Variants in AGO2 observed in about 807,000 individuals in gnomAD.
AGO2 encodes the protein argonaute RISC catalytic component 2.
A neutral mutation model predicts 102.3 loss-of-function variants in AGO2; 5 were observed. That is an observed-to-expected ratio of 0.05 (90% CI 0.03 to 0.10). The LOEUF is 0.10. AGO2 is among the 10% of genes least tolerant of loss of function. AGO2 has a pLI of 1.00. For missense variants in AGO2, 541 were observed against 1,183.7 expected, an observed-to-expected ratio of 0.46 and a Z score of 7.97; for synonymous variants, 449 against 473.1, an observed-to-expected ratio of 0.95 and a Z score of 0.66.
At chr8:140,635,075 C>A (rs935661385) in intron 1 of AGO2, among the ~76,000 whole-genome samples, 2 of 148,282 alleles carry the variant, frequency 1.3e-5, no homozygotes, top group African/African-American at 4.9e-5. Context: ...CATCCCCGCC[C>A]GGGCAGCGAG....
intron 3 of AGO2, among the ~76,000 whole-genome samples, chr8:140,562,992 G>A (rs964119774): frequency 2.0e-5 from 3 of 151,936 alleles, no homozygotes; most frequent in Non-Finnish European, 4.4e-5. Context: ...TGCACCTAAC[G>A]CCAGATCATG....
upstream of AGO2, chr8:140,638,369 T>C (rs937330982): frequency 2.0e-5 from 3 of 152,266 alleles, no homozygotes; most frequent in East Asian, 5.8e-4. Flanking sequence ...AAGTTTATTG[T>C]CTGCAGGCCT....
chr8:140,596,132 G>C (rs2073840480), intron 1 of AGO2, among the ~76,000 whole-genome samples: 1 of 150,444 alleles, frequency 6.6e-6, no homozygotes, highest in Non-Finnish European at 1.5e-5. Context: ...TACAGCGTGA[G>C]CCACTGCACA....
At chr8:140,564,615 T>TA (rs2073251099) in intron 3 of AGO2, among the ~76,000 whole-genome samples, 1 of 152,196 alleles carries the variant, frequency 6.6e-6, no homozygotes, top group Non-Finnish European at 1.5e-5. Context: ...TATGATTTCT[T>TA]AAATAACTTT....
At position 140,557,361 on chromosome 8, in the gene AGO2, G is replaced by C; in HGVS notation, c.879-125C>G. 1.7e-6 allele frequency: 2 copies of C among 1,195,562 alleles called. No homozygotes were observed. Among genetic ancestry groups the C allele is most frequent in the Non-Finnish European group, 2.3e-6 (2 of 869,348 alleles). 74.1% of individuals were successfully genotyped at this position (1,195,562 alleles called of 1,614,324 possible). ...GCAAACATTCAGAGCACTTCCGGGA[G>C]TGAAAACCATGTCATGTGCTTTGGG... On this transcript the variant is annotated intron_variant, in intron 7 of 18. Coordinates refer to ENST00000220592, the MANE Select transcript of AGO2 (RefSeq NM_012154.5). This position sits in a 1 kb window ranked among gnomAD's most constrained non-coding sequence, Gnocchi z 5.9.
At chr8:140,555,466 C>G (rs1418533987) in intron 10 of AGO2, 1 of 165,618 alleles carries the variant, frequency 6.0e-6, no homozygotes, top group East Asian at 1.8e-4. Flanking sequence ...TGCCTTCTAG[C>G]TCGGGTGACA....
chr8:140,571,474 G>A (rs2073376916), intron 3 of AGO2, among the ~76,000 whole-genome samples: 1 of 152,194 alleles, frequency 6.6e-6, no homozygotes, highest in African/African-American at 2.4e-5. Flanking sequence ...TTCCAGCCTG[G>A]GCGACAGAGC....
At chr8:140,599,244 G>A (rs535193604) in intron 1 of AGO2, among the ~76,000 whole-genome samples, 1 of 152,188 alleles carries the variant, frequency 6.6e-6, no homozygotes, top group South Asian at 2.1e-4. Flanking sequence ...CTGAGCGTCC[G>A]TTATGTGGTG....
chr8:140,533,262 A>G (rs1467559143), intron 17 of AGO2, among the ~76,000 whole-genome samples: 34 of 149,326 alleles, frequency 2.3e-4, no homozygotes, highest in African/African-American at 6.6e-4. Context: ...GGTGGCGGGC[A>G]TCTGTAGTCC....
At chr8:140,551,658 G>GGTGGGTGGATGGTTGATGT in intron 10 of AGO2, among the ~76,000 whole-genome samples, 1 of 151,902 alleles carries the variant, frequency 6.6e-6, no homozygotes, top group East Asian at 1.9e-4. Flanking sequence ...ATGGTTGATG[G>GGTGGGTGGATGGTTGATGT]GTGGGTGGAT....
At chr8:140,622,304 C>G (rs1214869408) in intron 1 of AGO2, among the ~76,000 whole-genome samples, 9 of 139,340 alleles carry the variant, frequency 6.5e-5, no homozygotes, top group African/African-American at 2.5e-4. Context: ...GGGGTCTCCT[C>G]TTGGGGGAAT....
intron 1 of AGO2, among the ~76,000 whole-genome samples, chr8:140,603,455 C>T (rs1044026419): frequency 2.0e-5 from 3 of 152,228 alleles, no homozygotes; most frequent in African/African-American, 7.2e-5. Context: ...TGTTGTGTAA[C>T]CAACACAACC....
intron 16 of AGO2, among the ~76,000 whole-genome samples, chr8:140,535,877 G>T (rs1382771132): frequency 6.6e-6 from 1 of 152,170 alleles, no homozygotes; most frequent in Non-Finnish European, 1.5e-5. Context: ...CGATACTGTT[G>T]GTGCTATTTT....
rs73360482 is a variant in AGO2 at position 140,550,352 on chromosome 8, A to G, written c.1403+951T>C. On this transcript the variant is annotated intron_variant, in intron 11 of 18. Coordinates refer to ENST00000220592, the MANE Select transcript of AGO2 (RefSeq NM_012154.5). ...AGCAAAGACTTTATGTTCCCTTTGA[A>G]GTCTGGCACAAAGGCACGAGCCACC... Among the ~76,000 whole-genome samples the G allele has an allele frequency of 5.5e-3, 840 of 152,286 alleles. 11 individuals are homozygous for G. Among genetic ancestry groups the G allele is most frequent in the African/African-American group, 0.019 (799 of 41,562 alleles).
At chr8:140,596,939 T>G (rs2073854368) in intron 1 of AGO2, among the ~76,000 whole-genome samples, 1 of 152,198 alleles carries the variant, frequency 6.6e-6, no homozygotes, top group African/African-American at 2.4e-5. Flanking sequence ...CAGGGGGACC[T>G]GCCTGAGGGT....
chr8:140,585,216 A>G lies in AGO2; in HGVS notation c.118T>C (p.Leu40=). Residue 40 remains leucine (L), a synonymous_variant, in exon 2 of 19, where the codon TTA becomes CTA. Transcript: ENST00000220592. ...TCCATTTCGAAGAAATTGGCCTGTA[A>G]TTTGATTGTTCTCCCGGAGGTCCCA... is the stretch of plus-strand genomic sequence containing the variant. The part of the protein sequence containing the change: ...DFGTSGRTIK[L]QANFFEMDIP... 1 of 1,614,154 alleles carries G rather than the reference A, an allele frequency of 6.2e-7. No homozygotes were observed. The highest frequency in any genetic ancestry group is 1.1e-5 in the South Asian group (1 of 91,082).
chr8:140,551,464 G>A, intron 10 of AGO2, 28 bp from the exon 11 acceptor site: 1 of 1,487,748 alleles, frequency 6.7e-7, no homozygotes, highest in Admixed American at 2.2e-5. Flanking sequence ...TTCAGGGTGA[G>A]AAAAAAATGG....
chr8:140,616,474 TTGA>T (rs1424744477), intron 1 of AGO2, among the ~76,000 whole-genome samples: 1 of 149,734 alleles, frequency 6.7e-6, no homozygotes, highest in Non-Finnish European at 1.5e-5. Flanking sequence ...CAATCACTTA[TTGA>T]TAATAATTGC....
intron 3 of AGO2, among the ~76,000 whole-genome samples, chr8:140,568,836 C>T (rs748559256): frequency 2.0e-5 from 3 of 152,230 alleles, no homozygotes; most frequent in Admixed American, 6.5e-5. Flanking sequence ...GGGCTCGGCA[C>T]CACCTCCTGA....
Sources: gnomAD v4.1 joint callset for allele counts (sites outside exome capture counted in the v4.1 genomes callset) on GRCh38, gnomAD v4.1.1 for gene constraint, Gnocchi (gnomAD v3.1) non-coding constraint, MANE v1.5 for transcripts, NCBI Gene and HGNC (gene_info 2026-07-23, HGNC 2026-07-21) for gene names.